Variants in TNRC18 observed in about 807,000 individuals in gnomAD.
The protein encoded by TNRC18 is trinucleotide repeat-containing gene 18 protein.
In TNRC18, 69 loss-of-function variants were observed where a neutral mutation model predicts 226.7. The observed-to-expected ratio is 0.30, with a 90% CI of 0.25 to 0.37. TNRC18 has a LOEUF of 0.37. Among genes scored for constraint, TNRC18 ranks in the 10% least tolerant of loss-of-function variants. The pLI, the probability that TNRC18 is intolerant of heterozygous loss-of-function variation, is 1.00. For missense variants in TNRC18, 4,754 were observed against 4,256.6 expected (o/e 1.12, Z -3.25); for synonymous variants, 2,449 against 1,927.6 (o/e 1.27, Z -7.09).
chr7:5,327,980 G>A (rs1235824513), intron 19 of TNRC18, among the ~76,000 whole-genome samples: 6 of 152,216 alleles, frequency 3.9e-5, no homozygotes, highest in East Asian at 1.9e-4. Flanking sequence ...CCAGCACTTC[G>A]GGAAGCCAAG....
At chr7:5,314,466 C>T (rs1358146432) in intron 26 of TNRC18, among the ~76,000 whole-genome samples, 1 of 151,990 alleles carries the variant, frequency 6.6e-6, no homozygotes, top group East Asian at 1.9e-4. Context: ...TGCAGCTCAG[C>T]TGTGCCTCTG....
At chr7:5,354,437 T>A (rs1327372838) in intron 16 of TNRC18, among the ~76,000 whole-genome samples, 1 of 151,326 alleles carries the variant, frequency 6.6e-6, no homozygotes, top group Non-Finnish European at 1.5e-5. Flanking sequence ...AGAACAGCAA[T>A]CTCCCCCGAC....
rs781277982 is a variant in TNRC18 at position 5,370,525 on chromosome 7, G to A, written c.4069C>T (p.Leu1357=). 6 of 1,602,360 alleles carry A rather than the reference G, an allele frequency of 3.7e-6. No homozygotes were observed. Among genetic ancestry groups the A allele is most frequent in the Non-Finnish European group, 5.1e-6 (6 of 1,174,850 alleles). The change falls in exon 11 of 30, where the codon CTG becomes TTG. Residue 1357 remains leucine (L), a synonymous_variant. Coordinates refer to ENST00000430969, the MANE Select transcript of TNRC18 (RefSeq NM_001080495.3). The stretch of plus-strand genomic sequence containing the variant: ...GCTCCAGCAGCACCCGGGGAGGGCA[G>A]AGGCCTGGCCTGGGGCAGCTCCGCA... ...AAAELPQARP[L]PSPGAAGAQA...
intron 5 of TNRC18, among the ~76,000 whole-genome samples, chr7:5,378,520 G>A (rs1344611171): frequency 6.6e-5 from 10 of 151,308 alleles, no homozygotes; most frequent in Non-Finnish European, 1.3e-4. Flanking sequence ...CCAGGTTCCC[G>A]CCATTCTCCT....
chr7:5,339,847 G>C (rs1056070334), intron 18 of TNRC18, among the ~76,000 whole-genome samples: 1 of 151,936 alleles, frequency 6.6e-6, no homozygotes, highest in African/African-American at 2.4e-5. Flanking sequence ...TGGGATGACA[G>C]GCATGAGCCA....
chr7:5,327,403 G>GTC (rs1562497385), intron 19 of TNRC18, among the ~76,000 whole-genome samples: 2 of 149,954 alleles, frequency 1.3e-5, no homozygotes, highest in Admixed American at 6.6e-5. Context: ...GTGTGTGTGT[G>GTC]TGTGTGTGTC....
In TNRC18 at chr7:5,356,981, T is replaced by G; in HGVS notation, c.5129A>C (p.Lys1710Thr). 1 of 1,552,196 alleles carries G rather than the reference T, an allele frequency of 6.4e-7. No individual in the cohort carries two copies. Among genetic ancestry groups the G allele is most frequent in the Non-Finnish European group, 8.7e-7 (1 of 1,147,092 alleles). ...AKTRKMEVGF[K>T]ARGQPKSAHS... ...GGCCGACTTGGGCTGGCCTCTGGCCTTGAACCCCACCTCCATCTTCCTGGT... is the reference window on the plus strand; with the variant it reads ...GGCCGACTTGGGCTGGCCTCTGGCCGTGAACCCCACCTCCATCTTCCTGGT... Residue 1710 changes from lysine to threonine, a missense_variant, in exon 16 of 30, where the codon AAG becomes ACG. Coordinates refer to ENST00000430969, the MANE Select transcript of TNRC18 (RefSeq NM_001080495.3).
At chr7:5,365,357 C>A (rs1367647235) in intron 11 of TNRC18, among the ~76,000 whole-genome samples, 1 of 152,072 alleles carries the variant, frequency 6.6e-6, no homozygotes, top group African/African-American at 2.4e-5. Context: ...AAGTGATCCT[C>A]CCGCCTCAGC....
At chr7:5,375,486 C>CA (rs1794571211) in intron 9 of TNRC18, among the ~76,000 whole-genome samples, 2 of 152,194 alleles carry the variant, frequency 1.3e-5, no homozygotes, top group African/African-American at 2.4e-5. Context: ...TGCCCACGAG[C>CA]ACACAGCCAG....
chr7:5,417,986 C>A (rs1366770885), intron 2 of TNRC18, among the ~76,000 whole-genome samples: 1 of 152,194 alleles, frequency 6.6e-6, no homozygotes, highest in Non-Finnish European at 1.5e-5. Flanking sequence ...CCTTGTTAGC[C>A]AAGCCTCCAG....
intron 17 of TNRC18, among the ~76,000 whole-genome samples, chr7:5,351,497 C>T (rs1266464851): frequency 2.0e-3 from 18 of 8,884 alleles, no homozygotes; most frequent in African/African-American, 7.6e-3. Context: ...GGGGGGAACT[C>T]GGGGGAGGGG....
At chr7:5,418,758 C>T (rs957186015) in intron 2 of TNRC18, among the ~76,000 whole-genome samples, 2 of 152,196 alleles carry the variant, frequency 1.3e-5, no homozygotes, top group Non-Finnish European at 2.9e-5. Context: ...CTGCACCCCA[C>T]AAAGAAAACG....
Position 5,307,255 on chromosome 7 carries a change from A to G in TNRC18, c.*851T>C, listed in dbSNP as rs1422808189. 6.7e-6 allele frequency: 1 copy of G among 148,820 alleles called. No individual in the cohort carries two copies. Among genetic ancestry groups the G allele is most frequent in the Non-Finnish European group, 1.5e-5 (1 of 67,380 alleles). The allele number at this position is 148,820 out of a possible 1,614,324, so 9.2% of individuals were successfully genotyped here. A position where few individuals can be genotyped will look rare whatever the true frequency, so the allele number is the denominator to read the frequency against. ...TATTTTTCACAGTTTTAAAAAGTTT[A>G]TATATATATTTATATATATTTATCT... On this transcript the variant is annotated 3_prime_UTR_variant, in exon 30 of 30. Coordinates refer to ENST00000430969, the MANE Select transcript of TNRC18 (RefSeq NM_001080495.3).
At chr7:5,379,058 G>C (rs958476468) in intron 5 of TNRC18, among the ~76,000 whole-genome samples, 4 of 152,014 alleles carry the variant, frequency 2.6e-5, no homozygotes, top group African/African-American at 9.7e-5. Context: ...TCAGCCAGGC[G>C]TGGTGGTGCG....
At chr7:5,332,575 A>G (rs1789643483) in intron 19 of TNRC18, 47 bp downstream of exon 19, 1 of 1,477,474 alleles carries the variant, frequency 6.8e-7, no homozygotes, top group Admixed American at 2.8e-5. Flanking sequence ...TCCCTCACGG[A>G]ACCCCAGGGA....
chr7:5,332,084 T>C (rs929026632), intron 19 of TNRC18, among the ~76,000 whole-genome samples: 2 of 152,198 alleles, frequency 1.3e-5, no homozygotes, highest in Non-Finnish European at 2.9e-5. Flanking sequence ...GTCCCAGGTA[T>C]CTTATTCACT....
At position 5,387,898 on chromosome 7, in the gene TNRC18, G is replaced by A. The variant is rs780118205; in HGVS notation, c.1926C>T (p.Gly642=). Residue 642 remains glycine, a synonymous_variant, in exon 5 of 30, where the codon GGC becomes GGT. Coordinates refer to ENST00000430969, the MANE Select transcript of TNRC18 (RefSeq NM_001080495.3). The part of the protein sequence containing the change: ...RAQARLPHSG[G]PAAGGGRQLK... ...GCTGCCGGCCGCCGCCCGCTGCAGGGCCTCCGGAGTGTGGGAGACGGGCCT... is the reference window on the plus strand; with the variant it reads ...GCTGCCGGCCGCCGCCCGCTGCAGGACCTCCGGAGTGTGGGAGACGGGCCT... 1 of 1,591,778 alleles carries A rather than the reference G, an allele frequency of 6.3e-7. No individual in the cohort carries two copies. Among genetic ancestry groups the A allele is most frequent in the Non-Finnish European group, 8.5e-7 (1 of 1,170,834 alleles).
chr7:5,353,113 G>C (rs1228911149), intron 16 of TNRC18, among the ~76,000 whole-genome samples: 3 of 152,204 alleles, frequency 2.0e-5, no homozygotes, highest in African/African-American at 7.2e-5. Flanking sequence ...AGCCCCGCCA[G>C]GCTACCAGCC....
chr7:5,384,615 A>G (rs1358438630), intron 5 of TNRC18, among the ~76,000 whole-genome samples: 4 of 152,140 alleles, frequency 2.6e-5, no homozygotes, highest in East Asian at 3.9e-4. Flanking sequence ...TGAGCCCCCA[A>G]CAAAGGTGCC....
Sources: gnomAD v4.1 joint callset for allele counts (sites outside exome capture counted in the v4.1 genomes callset) on GRCh38, gnomAD v4.1.1 for gene constraint, MANE v1.5 for transcripts, NCBI Gene and HGNC (gene_info 2026-07-23, HGNC 2026-07-21) for gene names.